The following ZNF334 variants were observed in gnomAD, a reference collection of about 807,000 sequenced individuals.
The protein encoded by ZNF334 is zinc finger protein 334.
Under a neutral mutation model 12.4 loss-of-function variants are expected in ZNF334, and 14 were observed. The observed-to-expected ratio is 1.13, with a 90% CI of 0.74 to 1.76. The LOEUF is 1.76. ZNF334 is among the 40% of genes most tolerant of loss of function. ZNF334 has a pLI of 0.00. For synonymous variants in ZNF334, 273 were observed against 269.6 expected, an observed-to-expected ratio of 1.01 and a Z score of -0.12; for missense variants, 797 against 804.5, an observed-to-expected ratio of 0.99 and a Z score of 0.11.
downstream of ZNF334, among the ~76,000 whole-genome samples, chr20:46,499,105 C>T (rs1275273053): frequency 7.7e-6 from 1 of 130,122 alleles, no homozygotes; most frequent in Admixed American, 9.4e-5. Flanking sequence ...ACCCGGGAGG[C>T]GGAGCTTGCA....
At chr20:46,486,434 C>T in the ZNF334 span, among the ~76,000 whole-genome samples, 4 of 152,124 alleles carry the variant, frequency 2.6e-5, no homozygotes, top group Non-Finnish European at 5.9e-5. Flanking sequence ...AATGCATATA[C>T]TAATTGTAAA....
At chr20:46,488,419 T>TTATTTATATATATATATATATA in the ZNF334 span, among the ~76,000 whole-genome samples, 81 of 102,190 alleles carry the variant, frequency 7.9e-4, 1 homozygote, top group South Asian at 4.0e-3. Flanking sequence ...AGCTCTTATT[T>TTATTTATATATATATATATATA]TATATATATA....
Position 46,502,488 on chromosome 20 carries a change from C to T in ZNF334, c.851G>A (p.Arg284Gln), listed in dbSNP as rs138146245. The T allele has an allele frequency of 1.9e-4, 304 of 1,613,436 alleles. No individual in the cohort carries two copies. The African/African-American group carries it at 2.6e-3, about 14-fold the overall frequency. ...GGGTCTCTCTCCAGTATGAATTCTTCGGTGTCGAGTGAGGCTTGTCTTCAC... is the reference window on the plus strand; with the variant it reads ...GGGTCTCTCTCCAGTATGAATTCTTTGGTGTCGAGTGAGGCTTGTCTTCAC... ...FRVKTSLTRH[R>Q]RIHTGERPYE... is the part of the protein sequence containing the mutation. Residue 284 changes from arginine (R) to glutamine (Q), a missense_variant, in exon 5 of 5, where the codon CGA becomes CAA. Coordinates refer to ENST00000692313, the MANE Select transcript of ZNF334 (RefSeq NM_001353824.2).
At position 46,500,262 on chromosome 20, in the gene ZNF334, T is replaced by C. The variant is rs1183861174; in HGVS notation, c.*1034A>G. 1 of 152,104 alleles carries C rather than the reference T, an allele frequency of 6.6e-6. No individual in the cohort carries two copies. The highest frequency in any genetic ancestry group is 2.4e-5 in the African/African-American group (1 of 41,412). The allele number at this position is 152,104 out of a possible 1,614,324, so 9.4% of individuals were successfully genotyped here. ...GGAATGGGTATAGGGAAAATCCCAC[T>C]CATGGAAATCAGAACTTGAAAGGTA... On this transcript the variant is annotated 3_prime_UTR_variant, in exon 5 of 5. Coordinates refer to ENST00000692313, the MANE Select transcript of ZNF334 (RefSeq NM_001353824.2).
chr20:46,466,386 T>G, the ZNF334 span, among the ~76,000 whole-genome samples: 1 of 152,162 alleles, frequency 6.6e-6, no homozygotes, highest in African/African-American at 2.4e-5. Flanking sequence ...TCTATGAATA[T>G]GAAGGGTAGG....
At chr20:46,491,777 T>A in the ZNF334 span, 5 of 153,000 alleles carry the variant, frequency 3.3e-5, no homozygotes, top group African/African-American at 1.2e-4. Flanking sequence ...TAAATATCGG[T>A]CAAACTTTAC....
rs776429738 is a variant in ZNF334 at position 46,501,863 on chromosome 20, A to C, written c.1476T>G (p.Asn492Lys). The change falls in exon 5 of 5, where the codon AAT becomes AAG. Residue 492 changes from asparagine (N) to lysine (K), a missense_variant. By Grantham distance (94) the Asn-to-Lys change is moderately conservative. Coordinates refer to ENST00000692313, the MANE Select transcript of ZNF334 (RefSeq NM_001353824.2). The stretch of plus-strand genomic sequence containing the variant: ...TCACAATGGAGATTCTACCACATTT[A>C]TTAAACACACCATGTTTCTCTCCTG... ...THTGEKHGVF[N>K]KCGRISIVKS... 1.2e-6 allele frequency: 2 copies of C among 1,613,706 alleles called. No individual in the cohort carries two copies. The highest frequency in any genetic ancestry group is 2.7e-5 in the African/African-American group (2 of 74,804).
At chr20:46,469,137 T>G in the ZNF334 span, among the ~76,000 whole-genome samples, 5 of 152,212 alleles carry the variant, frequency 3.3e-5, no homozygotes, top group East Asian at 9.6e-4. Context: ...AATTAAAAAC[T>G]GACCATGTGA....
At chr20:46,490,352 T>C in the ZNF334 span, among the ~76,000 whole-genome samples, 5 of 152,152 alleles carry the variant, frequency 3.3e-5, no homozygotes, top group African/African-American at 1.2e-4. Flanking sequence ...CAATATCAAA[T>C]TGATAAGACA....
the ZNF334 span, chr20:46,476,470 A>G: frequency 1.3e-5 from 2 of 152,230 alleles, no homozygotes. Context: ...TGGTTTTGAT[A>G]TTGTACTATC....
chr20:46,488,419 T>TTATTTATATATATATATATATATAGA, the ZNF334 span, among the ~76,000 whole-genome samples: 1 of 102,242 alleles, frequency 9.8e-6, no homozygotes, highest in African/African-American at 4.3e-5. Context: ...AGCTCTTATT[T>TTATTTATATATATATATATATATAGA]TATATATATA....
At chr20:46,509,482 C>G in intron 2 of ZNF334, 1 of 677,508 alleles carries the variant, frequency 1.5e-6, no homozygotes, top group South Asian at 1.5e-5. Context: ...CAAGTTTCCT[C>G]AGCAGGAGCA....
At chr20:46,486,265 A>G in the ZNF334 span, among the ~76,000 whole-genome samples, 1 of 152,082 alleles carries the variant, frequency 6.6e-6, no homozygotes, top group Non-Finnish European at 1.5e-5. Flanking sequence ...ATGTTGTTAA[A>G]TAGCTGGGTG....
chr20:46,470,571 C>T, the ZNF334 span, among the ~76,000 whole-genome samples: 1 of 152,206 alleles, frequency 6.6e-6, no homozygotes, highest in Non-Finnish European at 1.5e-5. Context: ...TGGGTTGAGA[C>T]AGGTCCAAAG....
At chr20:46,487,882 C>T in the ZNF334 span, among the ~76,000 whole-genome samples, 1 of 152,062 alleles carries the variant, frequency 6.6e-6, no homozygotes. Context: ...GTGCTTATAC[C>T]ACTGGGTCTC....
At chr20:46,482,241 T>C in the ZNF334 span, among the ~76,000 whole-genome samples, 1 of 152,220 alleles carries the variant, frequency 6.6e-6, no homozygotes, top group Non-Finnish European at 1.5e-5. Context: ...TAATTTGTTA[T>C]GGCAGCAGTA....
the ZNF334 span, among the ~76,000 whole-genome samples, chr20:46,471,140 T>C: frequency 6.6e-6 from 1 of 152,244 alleles, no homozygotes; most frequent in Non-Finnish European, 1.5e-5. Context: ...ATTTTAGTTT[T>C]AGCCAATCCT....
At chr20:46,477,262 G>C in the ZNF334 span, 1 of 152,254 alleles carries the variant, frequency 6.6e-6, no homozygotes, top group South Asian at 2.1e-4. Context: ...AGCAGGTGAG[G>C]AAGGCACCTT....
the ZNF334 span, among the ~76,000 whole-genome samples, chr20:46,475,537 G>C: frequency 1.3e-5 from 2 of 151,856 alleles, no homozygotes; most frequent in African/African-American, 2.4e-5. Flanking sequence ...CGAAGGGTTG[G>C]TATCTAATAT....
Sources: allele counts gnomAD v4.1 joint callset (sites outside exome capture counted in the v4.1 genomes callset), GRCh38; gene constraint gnomAD v4.1.1; transcripts MANE v1.5; gene names NCBI Gene and HGNC (gene_info 2026-07-23, HGNC 2026-07-21).